PALLD: variants seen among roughly 807,000 people sequenced by gnomAD.
PALLD encodes palladin, cytoskeletal associated protein, also known as palladin.
Under a neutral mutation model 123.5 loss-of-function variants are expected in PALLD, and 61 were observed. The ratio of observed to expected loss-of-function variants is 0.49; its 90% CI spans 0.40 to 0.61. The LOEUF (loss-of-function observed/expected upper bound fraction) is 0.61, where lower values mean the gene tolerates loss of function less well. Ranked by LOEUF, PALLD falls within the 20% of genes least tolerant of loss-of-function variation. The pLI, the probability that PALLD is intolerant of heterozygous loss-of-function variation, is 0.00. For missense variants in PALLD, 1,273 were observed against 1,377.0 expected, an observed-to-expected ratio of 0.92 and a Z score of 1.20; for synonymous variants, 465 against 496.4, an observed-to-expected ratio of 0.94 and a Z score of 0.84.
chr4:168,507,599 T>C (rs760501384), intron 1 of PALLD: 9 of 202,348 alleles, frequency 4.4e-5, no homozygotes, highest in Non-Finnish European at 6.1e-5. Flanking sequence ...CCTGGATTAC[T>C]GCACAAGCCT....
chr4:168,798,955 C>T (rs1738904693), intron 10 of PALLD, among the ~76,000 whole-genome samples: 1 of 152,150 alleles, frequency 6.6e-6, no homozygotes. Context: ...TTTAATTGAG[C>T]AATGAACGAA....
intron 3 of PALLD, among the ~76,000 whole-genome samples, chr4:168,675,020 T>C (rs1229938792): frequency 1.3e-5 from 2 of 152,118 alleles, no homozygotes; most frequent in African/African-American, 2.4e-5. Context: ...CAGAGAGAGC[T>C]TCTCAAGAAT....
intron 10 of PALLD, among the ~76,000 whole-genome samples, chr4:168,743,075 C>T (rs1302731022): frequency 6.6e-6 from 1 of 152,150 alleles, no homozygotes; most frequent in Non-Finnish European, 1.5e-5. Context: ...CTGTGTCCTC[C>T]CCAGCAGTAG....
chr4:168,844,743 G>A lies in PALLD; in HGVS notation c.1965-46179G>A, dbSNP rs1341758026. 6.6e-6 allele frequency: 1 copy of A among 152,138 alleles called. No homozygotes were observed. Among genetic ancestry groups the A allele is most frequent in the Non-Finnish European group, 1.5e-5 (1 of 68,024 alleles). 9.4% of individuals were successfully genotyped at this position (152,138 alleles called of 1,614,324 possible). A position where few individuals can be genotyped will look rare whatever the true frequency, so the allele number is the denominator to read the frequency against. ...CCAAATATTAAAAAGTTATTAACGT[G>A]CTTGAAAGTCTTTCCAAATGCTTCA... On this transcript the variant is annotated intron_variant, in intron 10 of 21. Transcript: ENST00000505667. The surrounding 1 kb of genome is among the most constrained non-coding windows in gnomAD (Gnocchi z 4.5).
chr4:168,885,146 G>A (rs1258501099), intron 10 of PALLD, among the ~76,000 whole-genome samples: 1 of 152,062 alleles, frequency 6.6e-6, no homozygotes. Context: ...ATCTTTCAAG[G>A]GCTTATAACT....
chr4:168,718,630 A>T (rs996367435), intron 10 of PALLD, among the ~76,000 whole-genome samples: 8 of 152,220 alleles, frequency 5.3e-5, no homozygotes, highest in African/African-American at 1.9e-4. Flanking sequence ...TGCCTCTCGG[A>T]CTCAGTAACC....
intron 10 of PALLD, among the ~76,000 whole-genome samples, chr4:168,772,444 C>CA (rs1010835306): frequency 2.0e-5 from 3 of 152,142 alleles, no homozygotes; most frequent in African/African-American, 7.2e-5. Flanking sequence ...TAAACCTCCT[C>CA]AAAAAAAGCA....
At chr4:168,692,132 G>A (rs939224746) in intron 8 of PALLD, among the ~76,000 whole-genome samples, 2 of 152,150 alleles carry the variant, frequency 1.3e-5, no homozygotes, top group Non-Finnish European at 2.9e-5. Context: ...CTTGCCACAT[G>A]TGTCTTAGGA....
intron 2 of PALLD, among the ~76,000 whole-genome samples, chr4:168,593,436 C>CAAAAAAAAAAAAAAAAAAAAAA (rs771493669): frequency 1.9e-5 from 2 of 103,310 alleles, no homozygotes; most frequent in African/African-American, 3.8e-5. Flanking sequence ...AGTCACCAGG[C>CAAAAAAAAAAAAAAAAAAAAAA]AAAAAAAAAA....
intron 10 of PALLD, among the ~76,000 whole-genome samples, chr4:168,755,380 G>A (rs1462116547): frequency 1.3e-5 from 2 of 152,066 alleles, no homozygotes; most frequent in African/African-American, 4.8e-5. Flanking sequence ...AAATCTGGGG[G>A]AAGAACATTT....
intron 10 of PALLD, among the ~76,000 whole-genome samples, chr4:168,789,202 T>C (rs983764213): frequency 1.3e-5 from 2 of 152,212 alleles, no homozygotes; most frequent in African/African-American, 4.8e-5. Flanking sequence ...TGAGCATTTC[T>C]GTAAATTTTG....
chr4:168,813,100 A>T (rs1408351858), intron 10 of PALLD, among the ~76,000 whole-genome samples: 4 of 80,734 alleles, frequency 5.0e-5, no homozygotes, highest in Non-Finnish European at 1.2e-4. Context: ...TGAAAAACGT[A>T]CTTTTGGGGG....
chr4:168,713,593 T>A (rs1246531429), intron 10 of PALLD, among the ~76,000 whole-genome samples: 1 of 152,166 alleles, frequency 6.6e-6, no homozygotes, highest in Non-Finnish European at 1.5e-5. Flanking sequence ...CTCTGCAGCT[T>A]TTAGCTCTGC....
At chr4:168,510,939 G>A (rs1300057458) in intron 1 of PALLD, among the ~76,000 whole-genome samples, 1 of 152,144 alleles carries the variant, frequency 6.6e-6, no homozygotes, top group Admixed American at 6.5e-5. Flanking sequence ...GGACTGTTGA[G>A]TGAATGAATA....
chr4:168,877,621 T>C (rs917685320), intron 10 of PALLD: 1 of 466,934 alleles, frequency 2.1e-6, no homozygotes, highest in Admixed American at 5.8e-5. Flanking sequence ...TCTCTGCAGC[T>C]GGCCTAAGTG....
chr4:168,722,312 C>T (rs1206132942), intron 10 of PALLD, among the ~76,000 whole-genome samples: 1 of 152,138 alleles, frequency 6.6e-6, no homozygotes, highest in African/African-American at 2.4e-5. Context: ...GATTATGAGA[C>T]GTGAGCCACC....
intron 10 of PALLD, among the ~76,000 whole-genome samples, chr4:168,831,022 C>T (rs976893965): frequency 3.3e-5 from 5 of 152,200 alleles, no homozygotes; most frequent in African/African-American, 1.2e-4. Context: ...TTGTTAACAG[C>T]TTATTGTGTG....
rs1766173532 is a variant in PALLD at position 168,546,740 on chromosome 4, G to A, written c.908+34328G>A. On this transcript the variant is annotated intron_variant, in intron 2 of 21. Coordinates refer to ENST00000505667, the MANE Select transcript of PALLD (RefSeq NM_001166108.2). ...GTCACTGTCCCACTTAAAATGTGAG[G>A]GCTAAAACTAAGCGCAAATTCCAAA... 2.0e-5 allele frequency among the ~76,000 whole-genome samples: 3 copies of A among 152,054 alleles called. 1 individual carries two copies. The South Asian group carries it at 6.2e-4, about 31-fold the overall frequency.
intron 10 of PALLD, among the ~76,000 whole-genome samples, chr4:168,778,279 C>T (rs1208821769): frequency 6.6e-6 from 1 of 152,114 alleles, no homozygotes; most frequent in African/African-American, 2.4e-5. Flanking sequence ...CACTTTTGAG[C>T]AGATATGCAT....
Sources: gnomAD v4.1 joint callset for allele counts (sites outside exome capture counted in the v4.1 genomes callset) on GRCh38, gnomAD v4.1.1 for gene constraint, Gnocchi (gnomAD v3.1) non-coding constraint, MANE v1.5 for transcripts, NCBI Gene and HGNC (gene_info 2026-07-23, HGNC 2026-07-21) for gene names.